Variants in TARP observed in about 807,000 individuals in gnomAD.
At chr7:38,265,447 G>C in the TARP span, 13 of 1,611,148 alleles carry the variant, frequency 8.1e-6, no homozygotes, top group Non-Finnish European at 1.1e-5. Context: ...TGACTTTTCT[G>C]GCACCGTTAA....
At chr7:38,265,673 G>T in the TARP span, 5 of 1,590,890 alleles carry the variant, frequency 3.1e-6, no homozygotes, top group African/African-American at 5.5e-5. Flanking sequence ...GCATCAAGTT[G>T]TTTATCTATG....
At chr7:38,270,497 T>C in the TARP span, among the ~76,000 whole-genome samples, 11 of 151,528 alleles carry the variant, frequency 7.3e-5, no homozygotes, top group African/African-American at 2.4e-4. Context: ...TTCACTTGTG[T>C]TTTTCAAAAC....
the TARP span, among the ~76,000 whole-genome samples, chr7:38,270,538 C>CTTAT: frequency 2.0e-5 from 3 of 151,644 alleles, no homozygotes; most frequent in African/African-American, 7.3e-5. Context: ...AGCAGCACAA[C>CTTAT]TTATTTGCCT....
the TARP span, among the ~76,000 whole-genome samples, chr7:38,265,075 A>T: frequency 6.6e-6 from 1 of 151,188 alleles, no homozygotes; most frequent in African/African-American, 2.4e-5. Context: ...TGTTTCTTTA[A>T]TCCATCTAAC....
the TARP span, among the ~76,000 whole-genome samples, chr7:38,266,854 A>C: frequency 4.0e-5 from 6 of 151,868 alleles, no homozygotes; most frequent in African/African-American, 1.5e-4. Flanking sequence ...ACAAAATGGC[A>C]ACTTTCCAAA....
At chr7:38,266,461 C>A in the TARP span, among the ~76,000 whole-genome samples, 2,252 of 151,190 alleles carry the variant, frequency 0.015, no homozygotes, top group African/African-American at 0.052. Flanking sequence ...TATGCATCAC[C>A]ATGCCTGGCT....
chr7:38,270,107 T>A, the TARP span, among the ~76,000 whole-genome samples: 3 of 151,988 alleles, frequency 2.0e-5, no homozygotes, highest in South Asian at 4.2e-4. Flanking sequence ...GCCTCAAAAA[T>A]AAATGCTATG....
the TARP span, among the ~76,000 whole-genome samples, chr7:38,273,056 C>G: frequency 9.3e-5 from 14 of 150,820 alleles, no homozygotes; most frequent in African/African-American, 3.4e-4. Flanking sequence ...AAAATTACAT[C>G]TTTAAACTTA....
chr7:38,261,077 T>A, the TARP span, among the ~76,000 whole-genome samples: 7 of 151,796 alleles, frequency 4.6e-5, no homozygotes, highest in African/African-American at 1.5e-4. Context: ...AATTATTCTT[T>A]GTTGGCTGAT....
the TARP span, among the ~76,000 whole-genome samples, chr7:38,261,914 A>C: frequency 6.6e-6 from 1 of 151,182 alleles, no homozygotes; most frequent in Admixed American, 6.6e-5. Context: ...AGACACATGA[A>C]TGAATAAAAT....
the TARP span, among the ~76,000 whole-genome samples, chr7:38,270,157 T>C: frequency 6.6e-6 from 1 of 152,148 alleles, no homozygotes; most frequent in East Asian, 1.9e-4. Context: ...GTCATTGTTA[T>C]GATTAGCAAT....
the TARP span, among the ~76,000 whole-genome samples, chr7:38,265,163 A>G: frequency 1.3e-5 from 2 of 151,194 alleles, no homozygotes; most frequent in Non-Finnish European, 2.9e-5. Flanking sequence ...AACTTTTTCA[A>G]TTTTGTTTTC....
At chr7:38,270,166 A>G in the TARP span, among the ~76,000 whole-genome samples, 1 of 151,966 alleles carries the variant, frequency 6.6e-6, no homozygotes, top group Admixed American at 6.6e-5. Context: ...ATGATTAGCA[A>G]TCTGTTTGCT....
At chr7:38,272,431 T>A in the TARP span, among the ~76,000 whole-genome samples, 1 of 145,882 alleles carries the variant, frequency 6.9e-6, no homozygotes, top group Non-Finnish European at 1.5e-5. Context: ...TGAAAAATAT[T>A]AAGGACATTT....
chr7:38,262,742 C>A, the TARP span, among the ~76,000 whole-genome samples: 1 of 151,500 alleles, frequency 6.6e-6, no homozygotes, highest in Admixed American at 6.6e-5. Context: ...AAGCCTCAAA[C>A]TCCCCAGGCT....
chr7:38,272,460 G>T, the TARP span, among the ~76,000 whole-genome samples: 1 of 143,164 alleles, frequency 7.0e-6, no homozygotes, highest in Non-Finnish European at 1.5e-5. Context: ...TGTTTATGAA[G>T]CAGTGTGAAG....
chr7:38,260,018 A>G, the TARP span: 118 of 985,544 alleles, frequency 1.2e-4, 1 homozygote, highest in Non-Finnish European at 1.3e-5. Context: ...AAGCCCAACT[A>G]GATCCTCAGA....
chr7:38,272,154 T>C, the TARP span, among the ~76,000 whole-genome samples: 3 of 151,172 alleles, frequency 2.0e-5, no homozygotes, highest in African/African-American at 7.3e-5. Context: ...AATAGTGATA[T>C]TTGTTCTGAA....
the TARP span, chr7:38,265,481 C>A: frequency 6.9e-4 from 1,120 of 1,611,832 alleles, 33 homozygotes; most frequent in African/African-American, 0.014. Context: ...ATGTATGTGT[C>A]GTTAGTCTTC....
Sources: gnomAD v4.1 joint callset for allele counts (sites outside exome capture counted in the v4.1 genomes callset) on GRCh38, gnomAD v4.1.1 for gene constraint, MANE v1.5 for transcripts.